The following ARSB variants were observed in gnomAD, a reference collection of about 807,000 sequenced individuals.
ARSB encodes the protein N-acetylgalactosamine-4-sulfatase.
ARSB carries 41 observed loss-of-function variants against 50.9 expected under a neutral mutation model. The observed-to-expected ratio is 0.81, with a 90% CI of 0.63 to 1.04. The LOEUF is 1.04. ARSB is among the 50% of genes least tolerant of loss of function. The probability of loss-of-function intolerance (pLI) is 0.00; values close to 1 mark genes in which losing one functional copy is unlikely to be tolerated. For synonymous variants in ARSB, 269 were observed against 284.8 expected, an observed-to-expected ratio of 0.94 and a Z score of 0.56; for missense variants, 672 against 693.3, an observed-to-expected ratio of 0.97 and a Z score of 0.35.
At chr5:78,808,973 G>C (rs191749918) in intron 6 of ARSB, among the ~76,000 whole-genome samples, 1 of 152,322 alleles carries the variant, frequency 6.6e-6, no homozygotes, top group East Asian at 1.9e-4. Flanking sequence ...GAGCTAAGAT[G>C]TTAATGAAAT....
chr5:78,821,449 T>C lies in ARSB; in HGVS notation c.1213+17907A>G, dbSNP rs118085272. Among the ~76,000 whole-genome samples the C allele has an allele frequency of 1.1e-3, 160 of 152,378 alleles. 1 individual carries two copies. In the East Asian group the frequency reaches 0.012, roughly 12 times the overall value. ...CACTGCACTGGGCCAATTTTGGTTT[T>C]ATTTGTATGGCTGTGTTTAAACAAA... On this transcript the variant is annotated intron_variant, in intron 6 of 7. Transcript: ENST00000264914.
chr5:78,846,347 G>A (rs6869313), intron 5 of ARSB, among the ~76,000 whole-genome samples: 13 of 152,000 alleles, frequency 8.6e-5, no homozygotes, highest in African/African-American at 3.1e-4. Flanking sequence ...TTTCATTCAG[G>A]ATTGCTTTGG....
intron 1 of ARSB, among the ~76,000 whole-genome samples, chr5:78,976,713 A>T (rs1332735414): frequency 4.6e-5 from 7 of 152,254 alleles, no homozygotes. Flanking sequence ...ATTTCCTTAA[A>T]ATATGCCCAT....
chr5:78,937,960 G>A, intron 4 of ARSB, among the ~76,000 whole-genome samples: 1 of 152,158 alleles, frequency 6.6e-6, no homozygotes, highest in East Asian at 1.9e-4. Context: ...AGAATCAAAT[G>A]TCCATATCTG....
chr5:78,839,327 T>C, intron 6 of ARSB, 29 bp downstream of exon 6: 1 of 1,601,406 alleles, frequency 6.2e-7, no homozygotes. Flanking sequence ...CAATTAGATT[T>C]AATCTAGTAG....
chr5:78,906,243 G>C (rs957535910), intron 4 of ARSB, among the ~76,000 whole-genome samples: 4 of 152,148 alleles, frequency 2.6e-5, no homozygotes, highest in Non-Finnish European at 2.9e-5. Flanking sequence ...TAAGGCAGGA[G>C]GATCACTTGA....
At chr5:78,870,201 C>G (rs1747058781) in intron 5 of ARSB, among the ~76,000 whole-genome samples, 1 of 147,348 alleles carries the variant, frequency 6.8e-6, no homozygotes, top group Non-Finnish European at 1.5e-5. Context: ...GAGTCCAGGA[C>G]CAGAAGGATT....
At chr5:78,942,766 G>A (rs531250019) in intron 4 of ARSB, among the ~76,000 whole-genome samples, 1 of 152,242 alleles carries the variant, frequency 6.6e-6, no homozygotes. Flanking sequence ...GTTGATTTGG[G>A]GTGGAGAGTT....
In ARSB at chr5:78,964,471, G is replaced by C; in HGVS notation, c.635C>G (p.Thr212Arg). ...TATAGCCCTTTTGGTGAATATGTTT[G>C]TTGAATACATATTTTTATATCCTGT... is the stretch of plus-strand genomic sequence containing the variant. ...VATGYKNMYS[T>R]NIFTKRAIAL... Residue 212 changes from threonine to arginine, a missense_variant, in exon 3 of 8, where the codon ACA (threonine) becomes AGA (arginine). Thr to Arg is a moderately conservative substitution (Grantham distance 71, BLOSUM62 -1). Coordinates refer to ENST00000264914, the MANE Select transcript of ARSB (RefSeq NM_000046.5). 6.2e-7 allele frequency: 1 copy of C among 1,613,992 alleles called. No homozygotes were observed. The highest frequency in any genetic ancestry group is 8.5e-7 in the Non-Finnish European group (1 of 1,179,884).
At chr5:78,892,630 CA>C (rs1249965729) in intron 4 of ARSB, among the ~76,000 whole-genome samples, 2 of 152,148 alleles carry the variant, frequency 1.3e-5, no homozygotes, top group Non-Finnish European at 2.9e-5. Context: ...TTGTTACTAT[CA>C]GGGGAGAGCC....
chr5:78,913,604 G>A (rs564985395), intron 4 of ARSB, among the ~76,000 whole-genome samples: 1 of 152,096 alleles, frequency 6.6e-6, no homozygotes. Flanking sequence ...TTTTACAAAA[G>A]TGAGTTAGAG....
chr5:78,843,740 C>T (rs1213904764), intron 5 of ARSB, among the ~76,000 whole-genome samples: 2 of 152,136 alleles, frequency 1.3e-5, no homozygotes, highest in East Asian at 1.9e-4. Context: ...CAGCCCTAGC[C>T]GATTGTTAAT....
At chr5:78,894,499 CT>C (rs1348949645) in intron 4 of ARSB, among the ~76,000 whole-genome samples, 2 of 152,154 alleles carry the variant, frequency 1.3e-5, no homozygotes, top group African/African-American at 4.8e-5. Flanking sequence ...GTTTCATTTC[CT>C]CAGAGTTCTC....
intron 1 of ARSB, among the ~76,000 whole-genome samples, chr5:78,969,953 A>AT (rs1194827885): frequency 6.6e-6 from 1 of 152,170 alleles, no homozygotes; most frequent in Non-Finnish European, 1.5e-5. Context: ...CGATTATTGC[A>AT]TTTTTTATTC....
At chr5:78,956,861 A>C (rs1452116727) in intron 3 of ARSB, among the ~76,000 whole-genome samples, 1 of 152,220 alleles carries the variant, frequency 6.6e-6, no homozygotes, top group African/African-American at 2.4e-5. Flanking sequence ...GTGTACCAAT[A>C]GAGGCTTTAG....
chr5:78,834,482 A>C (rs1040815952), intron 6 of ARSB, among the ~76,000 whole-genome samples: 6 of 151,376 alleles, frequency 4.0e-5, no homozygotes, highest in Non-Finnish European at 8.8e-5. Context: ...ATGTAAGTGG[A>C]GTCATATAGT....
intron 5 of ARSB, chr5:78,883,994 G>A (rs910112798): frequency 2.0e-5 from 3 of 152,168 alleles, no homozygotes; most frequent in Non-Finnish European, 1.5e-5. Context: ...TTTCCAGAGT[G>A]TTGAATACTA....
At chr5:78,787,118 CTATCTATCTATCTATCTATA>C (rs1749104518) in intron 6 of ARSB, among the ~76,000 whole-genome samples, 1 of 151,594 alleles carries the variant, frequency 6.6e-6, no homozygotes, top group African/African-American at 2.4e-5. Context: ...ATCTATCTAT[CTATCTATCTATCTATCTATA>C]TAGATACAGG....
intron 6 of ARSB, among the ~76,000 whole-genome samples, chr5:78,816,666 G>A (rs562496706): frequency 2.0e-5 from 3 of 152,360 alleles, no homozygotes; most frequent in Admixed American, 6.5e-5. Context: ...TTACAGAAGC[G>A]AGATTCTTGT....
Sources: allele counts gnomAD v4.1 joint callset (sites outside exome capture counted in the v4.1 genomes callset), GRCh38; gene constraint gnomAD v4.1.1; transcripts MANE v1.5; gene names NCBI Gene and HGNC (gene_info 2026-07-23, HGNC 2026-07-21).